DOCK9: variants seen among roughly 807,000 people sequenced by gnomAD.
DOCK9 encodes dedicator of cytokinesis protein 9.
In DOCK9, 89 loss-of-function variants were observed where a neutral mutation model predicts 263.3. The observed-to-expected ratio is 0.34, with a 90% CI of 0.28 to 0.40. DOCK9 has a LOEUF of 0.40. DOCK9 is among the 10% of genes least tolerant of loss of function. The pLI is 1.00. For missense variants in DOCK9, 2,140 were observed against 2,603.4 expected (o/e 0.82, Z 3.87); for synonymous variants, 976 against 973.1 (o/e 1.00, Z -0.06).
chr13:98,979,392 G>A (rs557892336), upstream of DOCK9, among the ~76,000 whole-genome samples: 176 of 152,058 alleles, frequency 1.2e-3, no homozygotes, highest in Middle Eastern at 6.8e-3. Flanking sequence ...ACAAAGGAAC[G>A]CAGCCAGGAG....
intron 18 of DOCK9, among the ~76,000 whole-genome samples, chr13:98,887,724 C>G (rs2046000875): frequency 1.4e-5 from 2 of 146,586 alleles, no homozygotes; most frequent in South Asian, 4.4e-4. Context: ...GGAGTACAAA[C>G]AGCTTTCAAT....
At chr13:98,902,871 T>C in intron 11 of DOCK9, 101 bp downstream of exon 11, 2 of 1,136,714 alleles carry the variant, frequency 1.8e-6, no homozygotes, top group Admixed American at 3.2e-5. Context: ...ACCTCTTTGA[T>C]ACCAGGGACT....
chr13:99,051,838 A>C (rs2142212795), intron 1 of DOCK9, among the ~76,000 whole-genome samples: 1 of 131,270 alleles, frequency 7.6e-6, no homozygotes, highest in Non-Finnish European at 1.6e-5. Flanking sequence ...CAGCTAAAGA[A>C]CATGTTCCAC....
At chr13:98,885,401 C>T (rs1236360654) in intron 20 of DOCK9, 4 of 522,110 alleles carry the variant, frequency 7.7e-6, no homozygotes, top group Non-Finnish European at 1.4e-5. Flanking sequence ...CTCACGAGTT[C>T]GAGACCAGCC....
At chr13:98,828,948 G>A (rs2092653744) in intron 43 of DOCK9, among the ~76,000 whole-genome samples, 1 of 152,162 alleles carries the variant, frequency 6.6e-6, no homozygotes, top group Admixed American at 6.5e-5. Context: ...AGAGGAGAAA[G>A]CAACACCTGT....
chr13:99,082,046 C>T (rs1204209034), intron 1 of DOCK9, among the ~76,000 whole-genome samples: 1 of 151,936 alleles, frequency 6.6e-6, no homozygotes, highest in African/African-American at 2.4e-5. Context: ...GGCAAAACCC[C>T]ATCTCTAAAA....
intron 2 of DOCK9, among the ~76,000 whole-genome samples, chr13:98,942,385 C>T (rs1415897204): frequency 6.6e-6 from 1 of 151,846 alleles, no homozygotes; most frequent in Non-Finnish European, 1.5e-5. Context: ...ACTACAGGCA[C>T]CCGCCACCAC....
Position 99,068,630 on chromosome 13 carries a change from G to A in DOCK9, c.129+17593C>T, listed in dbSNP as rs1223156437. Among the ~76,000 whole-genome samples, 42 of 151,032 alleles carry A rather than the reference G, an allele frequency of 2.8e-4. 1 individual carries two copies. Among genetic ancestry groups the A allele is most frequent in the Non-Finnish European group, 1.0e-4 (7 of 67,862 alleles). ...CCTAATACCTCAATCAGTTTTTCAC[G>A]AACTCCACAGAAATTAGTTAAGCAC... On this transcript the variant is annotated intron_variant, in intron 1 of 32. Coordinates refer to the DOCK9 transcript ENST00000427887.
intron 27 of DOCK9, among the ~76,000 whole-genome samples, chr13:98,870,088 C>G (rs557782893): frequency 6.6e-6 from 1 of 152,340 alleles, no homozygotes; most frequent in African/African-American, 2.4e-5. Flanking sequence ...AGCAGCCAAA[C>G]CAATGTCCCA....
intron 1 of DOCK9, among the ~76,000 whole-genome samples, chr13:98,960,287 C>G (rs909140345): frequency 3.9e-5 from 6 of 152,122 alleles, no homozygotes; most frequent in African/African-American, 1.4e-4. Context: ...TGTTTGAAAC[C>G]CTGAGAATTC....
intron 41 of DOCK9, among the ~76,000 whole-genome samples, chr13:98,830,634 A>G (rs1033028959): frequency 6.6e-6 from 1 of 152,112 alleles, no homozygotes; most frequent in African/African-American, 2.4e-5. Flanking sequence ...ATGAGCCCCT[A>G]TGCATCCTTC....
intron 7 of DOCK9, 119 bp downstream of exon 7, chr13:98,920,835 T>C: frequency 1.0e-6 from 1 of 961,762 alleles, no homozygotes. Context: ...TAAAGTTATA[T>C]GTTATATTTC....
intron 1 of DOCK9, among the ~76,000 whole-genome samples, chr13:99,009,288 A>C (rs1184946470): frequency 1.3e-5 from 2 of 152,256 alleles, no homozygotes; most frequent in African/African-American, 4.8e-5. Flanking sequence ...GAATCAGAGC[A>C]GACTGTTCCT....
intron 45 of DOCK9, among the ~76,000 whole-genome samples, chr13:98,814,400 G>A (rs1200837274): frequency 7.3e-6 from 1 of 137,870 alleles, no homozygotes; most frequent in Non-Finnish European, 1.6e-5. Flanking sequence ...TTATAAAGAA[G>A]TACGTCTTTT....
At chr13:98,846,144 C>T (rs1284054544) in intron 37 of DOCK9, 84 bp from the exon 38 acceptor site, 1 of 1,480,680 alleles carries the variant, frequency 6.8e-7, no homozygotes, top group Non-Finnish European at 9.1e-7. Flanking sequence ...GAAGCCAGAA[C>T]ATGGCACGAG....
At chr13:99,065,064 C>G (rs1004200288) in intron 1 of DOCK9, among the ~76,000 whole-genome samples, 1 of 152,192 alleles carries the variant, frequency 6.6e-6, no homozygotes, top group Non-Finnish European at 1.5e-5. Context: ...ACTCCCAGCA[C>G]AGTCACGCAC....
chr13:98,935,409 G>A (rs752312944), intron 2 of DOCK9, among the ~76,000 whole-genome samples: 2 of 152,172 alleles, frequency 1.3e-5, no homozygotes, highest in African/African-American at 2.4e-5. Flanking sequence ...ATAAGAATAG[G>A]CCAACAGAAA....
intron 1 of DOCK9, among the ~76,000 whole-genome samples, chr13:98,967,224 T>C (rs1168030156): frequency 6.6e-6 from 1 of 152,266 alleles, no homozygotes; most frequent in East Asian, 1.9e-4. Context: ...GTTATCATTA[T>C]CACCAGGTTA....
At chr13:98,936,418 G>A (rs903012323) in intron 2 of DOCK9, among the ~76,000 whole-genome samples, 2 of 152,014 alleles carry the variant, frequency 1.3e-5, no homozygotes, top group African/African-American at 4.8e-5. Flanking sequence ...CCAGGAGTTC[G>A]AGACCAACCT....
Sources: allele counts gnomAD v4.1 joint callset (sites outside exome capture counted in the v4.1 genomes callset), GRCh38; gene constraint gnomAD v4.1.1; transcripts MANE v1.5; gene names NCBI Gene and HGNC (gene_info 2026-07-23, HGNC 2026-07-21).